Variants in TPO observed in about 807,000 individuals in gnomAD.
TPO encodes thyroid microsomal antigen.
In TPO, 78 loss-of-function variants were observed where a neutral mutation model predicts 96.9. The ratio of observed to expected loss-of-function variants is 0.81; its 90% CI spans 0.67 to 0.97. The LOEUF (loss-of-function observed/expected upper bound fraction) is 0.97. Among genes scored for constraint, TPO ranks in the 50% least tolerant of loss-of-function variants. The pLI is 0.00. For missense variants in TPO, 1,252 were observed against 1,274.8 expected (o/e 0.98, Z 0.27); for synonymous variants, 547 against 538.0 (o/e 1.02, Z -0.23).
At chr2:1,503,351 G>A (rs778934416) in intron 13 of TPO, among the ~76,000 whole-genome samples, 17 of 152,236 alleles carry the variant, frequency 1.1e-4, no homozygotes, top group Non-Finnish European at 2.4e-4. Flanking sequence ...CCTGTGACAC[G>A]CTACAGCTTC....
In TPO at chr2:1,477,526, G is replaced by A. The variant is rs1358820098; in HGVS notation, c.1260G>A (p.Ala420=). The A allele has an allele frequency of 6.5e-7, 1 of 1,533,718 alleles. No homozygotes were observed. Among genetic ancestry groups the A allele is most frequent in the East Asian group, 2.5e-5 (1 of 40,802 alleles). The change falls in exon 8 of 17, where the codon GCG becomes GCA. Residue 420 remains alanine (A), a synonymous_variant. Transcript: ENST00000329066. ...WLREHNRLAA[A]LKALNAHWSA... ...GCGAGCACAACCGCCTGGCCGCGGCGCTCAAGGCCCTCAATGCGCACTGGA... is the reference window on the plus strand; with the variant it reads ...GCGAGCACAACCGCCTGGCCGCGGCACTCAAGGCCCTCAATGCGCACTGGA...
At chr2:1,497,910 C>G (rs1370369532) in intron 13 of TPO, among the ~76,000 whole-genome samples, 1 of 148,496 alleles carries the variant, frequency 6.7e-6, no homozygotes, top group East Asian at 2.0e-4. Context: ...GGAGCCAGTG[C>G]TTTGGGAGAC....
intron 1 of TPO, among the ~76,000 whole-genome samples, chr2:1,401,675 C>A (rs1291149946): frequency 6.6e-6 from 1 of 152,106 alleles, no homozygotes; most frequent in Non-Finnish European, 1.5e-5. Context: ...TGGGTTTGAT[C>A]CCTAATAAGC....
chr2:1,438,868 C>T (rs1458439283), intron 5 of TPO: 1 of 715,020 alleles, frequency 1.4e-6, no homozygotes, highest in East Asian at 2.7e-5. Context: ...ACCTGTTTAA[C>T]TAGGAACCTT....
intron 15 of TPO, among the ~76,000 whole-genome samples, chr2:1,537,472 AAATTCTTCCACTCTGTGCAG>A (rs1680045469): frequency 5.7e-5 from 7 of 122,810 alleles, no homozygotes; most frequent in East Asian, 2.4e-4. Context: ...CAACCTCCTC[AAATTCTTCCACTCTGTGCAG>A]CCTCCCCAAA....
intron 1 of TPO, among the ~76,000 whole-genome samples, chr2:1,401,608 G>T (rs536035784): frequency 6.6e-6 from 1 of 152,192 alleles, no homozygotes; most frequent in East Asian, 1.9e-4. Context: ...GACAAGCAGA[G>T]CCTGCACAGC....
rs148849620 is a variant in TPO at position 1,414,138 on chromosome 2, T to C, written c.-1-270T>C. ...AAATTTAAATAGGTTATTACTGAGA[T>C]ATATTGGCAACTGGAGCTGCCAACA... is the stretch of plus-strand genomic sequence containing the variant. On this transcript the variant is annotated intron_variant, in intron 1 of 16. Transcript: ENST00000329066. Among the ~76,000 whole-genome samples, 620 of 152,330 alleles carry C rather than the reference T, an allele frequency of 4.1e-3. 1 individual carries two copies. The highest frequency in any genetic ancestry group is 0.011 in the African/African-American group (451 of 41,572).
At chr2:1,503,913 T>C (rs1370932623) in intron 13 of TPO, 35 bp from the exon 14 acceptor site, 4 of 1,614,076 alleles carry the variant, frequency 2.5e-6, no homozygotes, top group Non-Finnish European at 3.4e-6. Context: ...GTGCAGCCGC[T>C]TCCTCTCACG....
chr2:1,528,998 C>G (rs1312411932), intron 15 of TPO, among the ~76,000 whole-genome samples: 6 of 142,210 alleles, frequency 4.2e-5, no homozygotes, highest in Non-Finnish European at 6.0e-5. Flanking sequence ...CTAAAATCCC[C>G]CCACTGTGAG....
At chr2:1,430,913 T>C (rs985167876) in intron 3 of TPO, among the ~76,000 whole-genome samples, 3 of 152,180 alleles carry the variant, frequency 2.0e-5, no homozygotes, top group South Asian at 2.1e-4. Context: ...CAGAGGCTCA[T>C]AGGTAGAAGG....
Position 1,469,848 on chromosome 2 carries a change from C to T in TPO, c.820-7238C>T, listed in dbSNP as rs776334594. Among the ~76,000 whole-genome samples the T allele has an allele frequency of 3.3e-5, 5 of 152,320 alleles. No individual in the cohort carries two copies. The South Asian group carries it at 1.0e-3, about 32-fold the overall frequency. ...GAGTCCTGCAGGAGCCATCCGCTTT[C>T]TTCAGAGGGTCTGCGGTTTCTCTTG... On this transcript the variant is annotated intron_variant, in intron 7 of 16. Transcript: ENST00000329066.
At chr2:1,481,359 G>A (rs2148693297) in intron 8 of TPO, among the ~76,000 whole-genome samples, 1 of 152,338 alleles carries the variant, frequency 6.6e-6, no homozygotes, top group Middle Eastern at 3.4e-3. Context: ...AGGCAGCATG[G>A]AGTTTGGGTT....
At chr2:1,422,996 A>G in intron 2 of TPO, 49 bp from the exon 3 acceptor site, 1 of 1,589,774 alleles carries the variant, frequency 6.3e-7, no homozygotes, top group Non-Finnish European at 8.6e-7. Flanking sequence ...CTGTCAGTGA[A>G]TCGCTGAACT....
intron 5 of TPO, chr2:1,438,983 C>T (rs1239884177): frequency 1.6e-6 from 1 of 619,274 alleles, no homozygotes; most frequent in African/African-American, 1.9e-5. Context: ...TGCAGTAGAG[C>T]CTGAACCTTT....
intron 14 of TPO, among the ~76,000 whole-genome samples, chr2:1,511,482 C>A (rs1355332453): frequency 7.0e-6 from 1 of 141,944 alleles, no homozygotes; most frequent in Non-Finnish European, 1.5e-5. Context: ...CTGGGGGTGC[C>A]ACAGCGCAGC....
intron 5 of TPO, among the ~76,000 whole-genome samples, chr2:1,442,144 C>T (rs536929951): frequency 2.0e-4 from 30 of 152,184 alleles, no homozygotes; most frequent in Non-Finnish European, 4.0e-4. Context: ...CACGTGGAAT[C>T]GTAAGTCCAT....
chr2:1,488,966 C>T (rs1421995857), intron 10 of TPO, among the ~76,000 whole-genome samples: 4 of 152,214 alleles, frequency 2.6e-5, no homozygotes, highest in Non-Finnish European at 5.9e-5. Flanking sequence ...ACTCCCTGCA[C>T]CCAAACACAG....
At chr2:1,516,187 A>G (rs1043590162) in intron 14 of TPO, among the ~76,000 whole-genome samples, 1 of 152,144 alleles carries the variant, frequency 6.6e-6, no homozygotes, top group Non-Finnish European at 1.5e-5. Flanking sequence ...GCCCCTCACC[A>G]GATGCTCTGG....
At chr2:1,422,541 C>T (rs961780695) in intron 2 of TPO, among the ~76,000 whole-genome samples, 8 of 152,212 alleles carry the variant, frequency 5.3e-5, no homozygotes. Context: ...GAAACACTTG[C>T]CGTCTTCCTG....
Sources: allele counts gnomAD v4.1 joint callset (sites outside exome capture counted in the v4.1 genomes callset), GRCh38; gene constraint gnomAD v4.1.1; transcripts MANE v1.5; gene names NCBI Gene and HGNC (gene_info 2026-07-23, HGNC 2026-07-21).